STARD13: variants seen among roughly 807,000 people sequenced by gnomAD.
The protein encoded by STARD13 is stAR-related lipid transfer protein 13.
STARD13 carries 62 observed loss-of-function variants against 106.4 expected under a neutral mutation model. The observed-to-expected ratio is 0.58, with a 90% confidence interval of 0.48 to 0.72. The LOEUF (loss-of-function observed/expected upper bound fraction) is 0.72. Among genes scored for constraint, STARD13 ranks in the 30% least tolerant of loss-of-function variants. STARD13 has a pLI of 0.00. For synonymous variants in STARD13, 565 were observed against 553.0 expected, an observed-to-expected ratio of 1.02 and a Z score of -0.31; for missense variants, 1,387 against 1,424.0, an observed-to-expected ratio of 0.97 and a Z score of 0.42.
intron 1 of STARD13, among the ~76,000 whole-genome samples, chr13:33,215,119 T>TG (rs71196512): frequency 0.12 from 9,296 of 75,414 alleles, 696 homozygotes; most frequent in African/African-American, 0.23. Flanking sequence ...AATGAGTACT[T>TG]GGGGGGGGGG....
the STARD13 span, among the ~76,000 whole-genome samples, chr13:33,478,255 G>C: frequency 2.6e-5 from 4 of 152,120 alleles, no homozygotes; most frequent in Admixed American, 2.6e-4. Flanking sequence ...TATGCAGTGA[G>C]CAACAGGACC....
At chr13:33,288,805 T>C (rs961072233), upstream of STARD13, among the ~76,000 whole-genome samples, 5 of 152,232 alleles carry the variant, frequency 3.3e-5, no homozygotes, top group African/African-American at 1.2e-4. Flanking sequence ...CACCATGTTT[T>C]TGTCATTTTG....
chr13:33,216,084 G>A (rs569359387), intron 1 of STARD13, among the ~76,000 whole-genome samples: 2 of 152,240 alleles, frequency 1.3e-5, no homozygotes, highest in Non-Finnish European at 2.9e-5. Context: ...GCGTGGATGC[G>A]ATGAAAAGGG....
intron 1 of STARD13, among the ~76,000 whole-genome samples, chr13:33,194,157 A>G (rs1886449991): frequency 6.6e-6 from 1 of 152,218 alleles, no homozygotes; most frequent in South Asian, 2.1e-4. Flanking sequence ...ATCTGGACTT[A>G]GATTCAATGG....
At chr13:33,658,514 A>G in the STARD13 span, 2 of 152,214 alleles carry the variant, frequency 1.3e-5, no homozygotes, top group African/African-American at 4.8e-5. Flanking sequence ...AAATTTTAAA[A>G]AGTTAAATCA....
At chr13:33,117,432 C>T (rs1438177177) in intron 8 of STARD13, 1 of 199,684 alleles carries the variant, frequency 5.0e-6, no homozygotes, top group African/African-American at 2.4e-5. Context: ...TTCTAATACC[C>T]CCATTGCAAC....
intron 7 of STARD13, among the ~76,000 whole-genome samples, chr13:33,120,463 T>TA (rs1440092725): frequency 6.6e-6 from 1 of 152,196 alleles, no homozygotes; most frequent in Admixed American, 6.5e-5. Flanking sequence ...ACTGAGATCT[T>TA]AGGATGTCCA....
In STARD13 at chr13:33,146,299, G is replaced by T. The variant is rs1880534288; in HGVS notation, c.324-3926C>A. 2.0e-5 allele frequency among the ~76,000 whole-genome samples: 3 copies of T among 152,050 alleles called. No homozygotes were observed. The South Asian group carries it at 6.2e-4, about 32-fold the overall frequency. ...AGATTGCACCATTGCACCCCAGCCT[G>T]GGTGACAGAGTGAAACTCCATCTCA... On this transcript the variant is annotated intron_variant, in intron 3 of 13. Transcript: ENST00000336934.
At chr13:33,437,917 G>A in the STARD13 span, among the ~76,000 whole-genome samples, 22 of 152,228 alleles carry the variant, frequency 1.4e-4, no homozygotes, top group Middle Eastern at 0.01. Context: ...GTTAAACAGC[G>A]AAATATTCAG....
chr13:33,513,601 G>A, the STARD13 span, among the ~76,000 whole-genome samples: 2 of 152,110 alleles, frequency 1.3e-5, no homozygotes, highest in African/African-American at 4.8e-5. Flanking sequence ...CTCTGAAGAT[G>A]CAATTCTCAT....
At chr13:33,143,507 T>C (rs895688341) in intron 3 of STARD13, among the ~76,000 whole-genome samples, 1 of 152,232 alleles carries the variant, frequency 6.6e-6, no homozygotes, top group Non-Finnish European at 1.5e-5. Context: ...GGGTTACCTA[T>C]TCTCTTGCTG....
chr13:33,255,626 A>G (rs1222290053), intron 1 of STARD13, among the ~76,000 whole-genome samples: 1 of 152,128 alleles, frequency 6.6e-6, no homozygotes, highest in African/African-American at 2.4e-5. Context: ...GCTGCTAGAG[A>G]CAGAAAAAAA....
chr13:33,396,728 A>T, the STARD13 span, among the ~76,000 whole-genome samples: 903 of 152,324 alleles, frequency 5.9e-3, 8 homozygotes, highest in African/African-American at 0.019. Flanking sequence ...TAATTGTATA[A>T]TTGATACTGG....
chr13:33,493,819 AACTTGT>A, the STARD13 span, among the ~76,000 whole-genome samples: 1 of 152,278 alleles, frequency 6.6e-6, no homozygotes, highest in South Asian at 2.1e-4. Context: ...CCCACACTTA[AACTTGT>A]ACATTCACAG....
chr13:33,593,278 G>A, the STARD13 span, among the ~76,000 whole-genome samples: 68 of 152,010 alleles, frequency 4.5e-4, no homozygotes, highest in African/African-American at 8.2e-4. Flanking sequence ...TCTGCCTCCC[G>A]GGTTCAAGTG....
chr13:33,110,744 T>C lies in STARD13; in HGVS notation c.2771A>G (p.Lys924Arg). ...IQGLQKEAKE[K>R]FKGWVTCSST... ...GGAGCACGTGACCCATCCTTTGAACTTCTCCTTGGCTTCTTTCTGGAGGCC... is the reference window on the plus strand; with the variant it reads ...GGAGCACGTGACCCATCCTTTGAACCTCTCCTTGGCTTCTTTCTGGAGGCC... Residue 924 changes from lysine (K) to arginine (R), a missense_variant, in exon 11 of 14, where the codon AAG becomes AGG. Physicochemically the swap from Lys to Arg is conservative, Grantham distance 26. Transcript: ENST00000336934. 6.2e-7 allele frequency: 1 copy of C among 1,614,170 alleles called. No individual in the cohort carries two copies. The highest frequency in any genetic ancestry group is 8.5e-7 in the Non-Finnish European group (1 of 1,180,038).
At chr13:33,122,891 T>C (rs1876559081) in intron 7 of STARD13, among the ~76,000 whole-genome samples, 1 of 151,504 alleles carries the variant, frequency 6.6e-6, no homozygotes, top group African/African-American at 2.4e-5. Context: ...CCTATCTCTA[T>C]TAAAAATACA....
chr13:33,394,335 T>C, the STARD13 span, among the ~76,000 whole-genome samples: 4 of 152,310 alleles, frequency 2.6e-5, no homozygotes, highest in South Asian at 8.3e-4. Context: ...TTAAAGTATA[T>C]TTAGACTAAA....
the STARD13 span, among the ~76,000 whole-genome samples, chr13:33,551,588 TTTTTTTTTTTTTTTTTTTTTTTTTTTTTG>T: frequency 2.5e-5 from 1 of 40,238 alleles, no homozygotes; most frequent in African/African-American, 1.1e-4. Flanking sequence ...TTTTTTTTTT[TTTTTTTTTTTTTTTTTTTTTTTTTTTTTG>T]AGTTGGAGTC....
Sources: gnomAD v4.1 joint callset for allele counts (sites outside exome capture counted in the v4.1 genomes callset) on GRCh38, gnomAD v4.1.1 for gene constraint, MANE v1.5 for transcripts, NCBI Gene and HGNC (gene_info 2026-07-23, HGNC 2026-07-21) for gene names.